GRAMD1C: variants seen among roughly 807,000 people sequenced by gnomAD.
GRAMD1C encodes protein Aster-C.
In GRAMD1C, 89 loss-of-function variants were observed where a neutral mutation model predicts 97.8. That is an observed-to-expected ratio of 0.91 (90% CI 0.77 to 1.09). The LOEUF (loss-of-function observed/expected upper bound fraction) is 1.09. Ranked by LOEUF, GRAMD1C falls within the 50% of genes least tolerant of loss-of-function variation. The pLI is 0.00. For synonymous variants in GRAMD1C, 256 were observed against 267.0 expected, an observed-to-expected ratio of 0.96 and a Z score of 0.40; for missense variants, 740 against 766.4, an observed-to-expected ratio of 0.97 and a Z score of 0.41.
chr3:113,944,639 T>C (rs1344667056), intron 17 of GRAMD1C, among the ~76,000 whole-genome samples: 1 of 152,242 alleles, frequency 6.6e-6, no homozygotes, highest in Non-Finnish European at 1.5e-5. Context: ...TATCTAAGTA[T>C]ATATTTATGT....
At chr3:113,920,114 G>T in intron 10 of GRAMD1C, 1 of 1,379,734 alleles carries the variant, frequency 7.2e-7, no homozygotes. Flanking sequence ...AAAAGCTCCT[G>T]AAAAACTGAG....
Position 113,855,705 on chromosome 3 carries a change from G to GAAA in GRAMD1C, c.174+11066_174+11068dup, listed in dbSNP as rs549606356. Among the ~76,000 whole-genome samples, 532 of 127,522 alleles carry GAAA rather than the reference G, an allele frequency of 4.2e-3. 6 individuals carry two copies. Among genetic ancestry groups the GAAA allele is most frequent in the South Asian group, 0.033 (134 of 4,070 alleles). The allele number at this position is 127,522 out of a possible 152,430, so 83.7% of individuals were successfully genotyped here. On this transcript the variant is annotated intron_variant, in intron 2 of 17. Transcript: ENST00000358160. The stretch of plus-strand genomic sequence containing the variant: ...GGGTGACGAGTGAGACTCTGTCTCA[G>GAAA]AAAAAAAAAAAAGAAAGAAAAAAAT...
At chr3:113,934,072 C>T (rs1423341019) in intron 12 of GRAMD1C, among the ~76,000 whole-genome samples, 1 of 152,166 alleles carries the variant, frequency 6.6e-6, no homozygotes, top group Non-Finnish European at 1.5e-5. Flanking sequence ...ACTTGGCCTA[C>T]TCTGGTTAAT....
At chr3:113,875,119 T>G (rs1934974975) in intron 3 of GRAMD1C, among the ~76,000 whole-genome samples, 1 of 140,916 alleles carries the variant, frequency 7.1e-6, no homozygotes. Flanking sequence ...TTTATTGATC[T>G]TTTCATGTTA....
intron 10 of GRAMD1C, among the ~76,000 whole-genome samples, chr3:113,923,882 A>T (rs1937145370): frequency 6.6e-6 from 1 of 152,090 alleles, no homozygotes; most frequent in Non-Finnish European, 1.5e-5. Flanking sequence ...TGTCTGGTAG[A>T]ATTTGGCTGT....
chr3:113,851,114 A>G (rs192519590), intron 2 of GRAMD1C, among the ~76,000 whole-genome samples: 8 of 152,298 alleles, frequency 5.3e-5, no homozygotes, highest in Admixed American at 5.2e-4. Context: ...TACTTCTTTA[A>G]TAGCAGATTT....
At chr3:113,890,768 G>T in intron 6 of GRAMD1C, 1 of 698,352 alleles carries the variant, frequency 1.4e-6, no homozygotes, top group Middle Eastern at 2.3e-4. Context: ...ATGTGAGTTG[G>T]GATATGTCCT....
At position 113,934,513 on chromosome 3, in the gene GRAMD1C, G is replaced by A. The variant is rs775793178; in HGVS notation, c.1434G>A (p.Leu478=). 1 of 1,551,272 alleles carries A rather than the reference G, an allele frequency of 6.4e-7. No individual in the cohort carries two copies. The highest frequency in any genetic ancestry group is 8.8e-7 in the Non-Finnish European group (1 of 1,131,342). The change falls in exon 13 of 18, where the codon TTG becomes TTA. Residue 478 remains leucine (L), a synonymous_variant. Transcript: ENST00000358160. The part of the protein sequence containing the change: ...SLIEKNSWSS[L]EDYFKQLESD... ...TTGAAAAGAATTCCTGGAGTTCTTT[G>A]GAGGACTATTTCAAACAGCTTGGTT...
At chr3:113,897,575 T>G in intron 6 of GRAMD1C, 13 of 980,266 alleles carry the variant, frequency 1.3e-5, no homozygotes, top group Non-Finnish European at 1.6e-5. Context: ...TAAACTACAT[T>G]AGAAAAGCTT....
chr3:113,871,965 A>G (rs1299284889), intron 3 of GRAMD1C, among the ~76,000 whole-genome samples: 1 of 152,134 alleles, frequency 6.6e-6, no homozygotes, highest in Non-Finnish European at 1.5e-5. Context: ...ACATTTATTT[A>G]TATGAATTTC....
At chr3:113,886,071 G>T in intron 6 of GRAMD1C, 13 of 741,184 alleles carry the variant, frequency 1.8e-5, no homozygotes, top group Non-Finnish European at 2.6e-5. Flanking sequence ...TGGGGGGGCG[G>T]GGGGGAAAGG....
chr3:113,856,644 A>G (rs1213574115), intron 2 of GRAMD1C, among the ~76,000 whole-genome samples: 1 of 151,978 alleles, frequency 6.6e-6, no homozygotes, highest in Non-Finnish European at 1.5e-5. Context: ...AGTTCAAGCA[A>G]TTCTCCCATA....
At chr3:113,921,645 T>G (rs557578932) in intron 10 of GRAMD1C, among the ~76,000 whole-genome samples, 1 of 152,364 alleles carries the variant, frequency 6.6e-6, no homozygotes, top group South Asian at 2.1e-4. Flanking sequence ...TTTTTAATAA[T>G]AGCCATTCTG....
intron 6 of GRAMD1C, chr3:113,885,243 C>A: frequency 2.8e-6 from 3 of 1,071,172 alleles, no homozygotes; most frequent in South Asian, 1.4e-5. Context: ...CCCCGGGGGG[C>A]TGGCGGAGCT....
At chr3:113,863,520 T>G (rs1389301816) in intron 2 of GRAMD1C, among the ~76,000 whole-genome samples, 1 of 152,218 alleles carries the variant, frequency 6.6e-6, no homozygotes, top group Non-Finnish European at 1.5e-5. Flanking sequence ...CTTTTCAGCA[T>G]GATAAAAGTT....
Position 113,885,884 on chromosome 3 carries a change from A to G in GRAMD1C, c.540+3052A>G, listed in dbSNP as rs559399710. 28 of 1,612,844 alleles carry G rather than the reference A, an allele frequency of 1.7e-5. No individual in the cohort carries two copies. The South Asian group carries it at 3.1e-4, about 18-fold the overall frequency. On this transcript the variant is annotated intron_variant, in intron 6 of 17. Transcript: ENST00000358160. ...CCCTAGGGGCTTACAGGAGCCATCC[A>G]GACAATGCCATCCCCATCAAATCCT...
chr3:113,914,129 T>A (rs1936715352), intron 9 of GRAMD1C, among the ~76,000 whole-genome samples: 1 of 152,194 alleles, frequency 6.6e-6, no homozygotes, highest in South Asian at 2.1e-4. Context: ...ATATTTGAAT[T>A]ATTTTTACAG....
chr3:113,919,880 C>T (rs999870398), intron 10 of GRAMD1C: 1 of 651,148 alleles, frequency 1.5e-6, no homozygotes, highest in East Asian at 3.8e-5. Context: ...AGGAATTGGA[C>T]CCAGTACCAC....
In GRAMD1C at chr3:113,945,386, CTT is replaced by C; in HGVS notation, c.1909-10_1909-9del. 6.6e-7 allele frequency: 1 copy of C among 1,520,336 alleles called. No homozygotes were observed. The allele number at this position is 1,520,336 out of a possible 1,614,324, so 94.2% of individuals were successfully genotyped here. A position where few individuals can be genotyped will look rare whatever the true frequency, so the allele number is the denominator to read the frequency against. The stretch of plus-strand genomic sequence containing the variant: ...AAATTAATCTGATTTTGAAAATTAA[CTT>C]TGTTTACAGCTGAAGAGCTCACTCA... On this transcript the variant is annotated splice_polypyrimidine_tract_variant and intron_variant, in intron 17 of 17. Coordinates refer to ENST00000358160, the MANE Select transcript of GRAMD1C (RefSeq NM_017577.5).
Sources: allele counts gnomAD v4.1 joint callset (sites outside exome capture counted in the v4.1 genomes callset), GRCh38; gene constraint gnomAD v4.1.1; transcripts MANE v1.5; gene names NCBI Gene and HGNC (gene_info 2026-07-23, HGNC 2026-07-21).